The following BMPER variants were observed in gnomAD, a reference collection of about 807,000 sequenced individuals.
BMPER encodes the protein BMP binding endothelial regulator.
In BMPER, 45 loss-of-function variants were observed where a neutral mutation model predicts 87.3. The observed-to-expected ratio is 0.52, with a 90% CI of 0.41 to 0.66. BMPER has a LOEUF of 0.66. Among genes scored for constraint, BMPER ranks in the 30% least tolerant of loss-of-function variants. The probability of loss-of-function intolerance (pLI) is 0.00; values close to 1 mark genes in which losing one functional copy is unlikely to be tolerated. For synonymous variants in BMPER, 326 were observed against 316.2 expected, an observed-to-expected ratio of 1.03 and a Z score of -0.33; for missense variants, 784 against 867.5, an observed-to-expected ratio of 0.90 and a Z score of 1.21.
chr7:33,920,267 C>G (rs1285261166), intron 2 of BMPER, among the ~76,000 whole-genome samples: 1 of 152,038 alleles, frequency 6.6e-6, no homozygotes, highest in Non-Finnish European at 1.5e-5. Flanking sequence ...TCTGTTCTCC[C>G]ACCAGGGGCC....
intron 2 of BMPER, among the ~76,000 whole-genome samples, chr7:33,916,519 G>A (rs1784089918): frequency 6.6e-6 from 1 of 152,212 alleles, no homozygotes; most frequent in African/African-American, 2.4e-5. Context: ...CTGTGGGATT[G>A]GGCCTCCTTC....
intron 11 of BMPER, among the ~76,000 whole-genome samples, chr7:34,067,649 C>G (rs1052467018): frequency 1.3e-5 from 2 of 152,098 alleles, no homozygotes; most frequent in Admixed American, 6.6e-5. Context: ...AGGTGTTAAC[C>G]TAAGTGGCCA....
intron 13 of BMPER, among the ~76,000 whole-genome samples, chr7:34,113,708 A>G (rs1790042037): frequency 6.6e-6 from 1 of 152,112 alleles, no homozygotes; most frequent in South Asian, 2.1e-4. Flanking sequence ...TATCTATTTC[A>G]TGGGCTTCTA....
chr7:34,097,193 G>C (rs1275929097), intron 13 of BMPER, among the ~76,000 whole-genome samples: 1 of 152,208 alleles, frequency 6.6e-6, no homozygotes, highest in African/African-American at 2.4e-5. Flanking sequence ...AGAGGAGCAG[G>C]AGGCTGGGGA....
At chr7:33,978,237 C>T (rs1206181459) in intron 6 of BMPER, among the ~76,000 whole-genome samples, 1 of 152,212 alleles carries the variant, frequency 6.6e-6, no homozygotes, top group African/African-American at 2.4e-5. Flanking sequence ...GTTGCAGCAA[C>T]AAGGCGCCAT....
intron 3 of BMPER, among the ~76,000 whole-genome samples, chr7:33,959,896 G>GT (rs1413784285): frequency 4.6e-5 from 7 of 151,738 alleles, no homozygotes; most frequent in South Asian, 2.1e-4. Context: ...TCATGTGGAA[G>GT]CTTTTTTTTC....
Position 33,966,759 on chromosome 7 carries a change from T to A in BMPER, c.402+198T>A, listed in dbSNP as rs181719656. On this transcript the variant is annotated intron_variant, in intron 4 of 14. Coordinates refer to ENST00000649409, the MANE Select transcript of BMPER (RefSeq NM_001365308.1). Reference sequence around the variant, plus strand: ...GTGCAGCATAGATATTGTGTAGAACTTGCTTCCAGAAACACACAGTGGAAT... The same window carrying A: ...GTGCAGCATAGATATTGTGTAGAACATGCTTCCAGAAACACACAGTGGAAT... Among the ~76,000 whole-genome samples the A allele has an allele frequency of 1.6e-4, 25 of 152,320 alleles. No individual in the cohort carries two copies. In the East Asian group the frequency reaches 1.9e-3, roughly 12 times the overall value.
At chr7:34,083,364 C>T (rs1048620665) in intron 12 of BMPER, among the ~76,000 whole-genome samples, 1 of 152,128 alleles carries the variant, frequency 6.6e-6, no homozygotes, top group African/African-American at 2.4e-5. Context: ...TCAAATTATT[C>T]CCCAAAGAGA....
chr7:34,130,476 G>T (rs1790555734), intron 13 of BMPER, among the ~76,000 whole-genome samples: 2 of 152,166 alleles, frequency 1.3e-5, no homozygotes, highest in South Asian at 4.1e-4. Context: ...TCACTTTGAG[G>T]CCATTTAACC....
chr7:33,932,141 G>A lies in BMPER; in HGVS notation c.220-5148G>A, dbSNP rs114397417. Among the ~76,000 whole-genome samples the A allele has an allele frequency of 7.9e-3, 1,203 of 152,264 alleles. 19 individuals are homozygous for A. The highest frequency in any genetic ancestry group is 0.027 in the African/African-American group (1,110 of 41,546). Reference sequence around the variant, plus strand: ...TTCCCTCTCAGAGTCGCCAGGCTGGGGCATCTATCCCAGGAAATTGGCTAT... The same window carrying A: ...TTCCCTCTCAGAGTCGCCAGGCTGGAGCATCTATCCCAGGAAATTGGCTAT... On this transcript the variant is annotated intron_variant, in intron 2 of 14. Coordinates refer to ENST00000649409, the MANE Select transcript of BMPER (RefSeq NM_001365308.1).
chr7:34,086,150 T>G, intron 13 of BMPER, 58 bp downstream of exon 13: 2 of 1,557,370 alleles, frequency 1.3e-6, no homozygotes, highest in Non-Finnish European at 1.8e-6. Context: ...AGACTTGACC[T>G]TGGAACATGG....
chr7:33,923,779 A>G (rs970818527), intron 2 of BMPER, among the ~76,000 whole-genome samples: 1 of 152,208 alleles, frequency 6.6e-6, no homozygotes, highest in Non-Finnish European at 1.5e-5. Flanking sequence ...CATTTATGTG[A>G]TGGACTTATA....
chr7:34,143,208 A>C (rs753101762), intron 13 of BMPER, 22 bp from the exon 14 acceptor site: 4 of 1,613,488 alleles, frequency 2.5e-6, no homozygotes, highest in African/African-American at 1.3e-5. Flanking sequence ...AAATGTTTCT[A>C]TCTCTCTTTT....
chr7:33,994,738 C>T (rs150072628), intron 6 of BMPER, among the ~76,000 whole-genome samples: 1 of 152,254 alleles, frequency 6.6e-6, no homozygotes, highest in Non-Finnish European at 1.5e-5. Flanking sequence ...TTGTTGTGAA[C>T]AAAAGGCCAT....
chr7:34,095,800 T>A (rs774005991), intron 13 of BMPER, among the ~76,000 whole-genome samples: 135 of 152,188 alleles, frequency 8.9e-4, no homozygotes, highest in Non-Finnish European at 2.9e-4. Context: ...GTTTCTTTCC[T>A]CTCATTCACA....
intron 2 of BMPER, among the ~76,000 whole-genome samples, chr7:33,932,702 G>A (rs935133600): frequency 3.3e-5 from 5 of 151,862 alleles, no homozygotes; most frequent in African/African-American, 4.8e-5. Context: ...TAGCTGCTGC[G>A]TTTTCCTCTC....
intron 12 of BMPER, among the ~76,000 whole-genome samples, chr7:34,079,711 AG>A (rs1788963098): frequency 1.3e-5 from 2 of 152,204 alleles, no homozygotes; most frequent in Non-Finnish European, 2.9e-5. Flanking sequence ...AAATGTCCAC[AG>A]CAGAAGGGCT....
intron 3 of BMPER, among the ~76,000 whole-genome samples, chr7:33,938,998 C>G (rs968732748): frequency 6.6e-6 from 1 of 152,020 alleles, no homozygotes; most frequent in African/African-American, 2.4e-5. Flanking sequence ...GCACTCCAGC[C>G]TGGGTGACGG....
intron 3 of BMPER, among the ~76,000 whole-genome samples, chr7:33,938,820 G>T (rs1329492346): frequency 6.6e-6 from 1 of 152,152 alleles, no homozygotes; most frequent in Non-Finnish European, 1.5e-5. Flanking sequence ...TAGGTCAGGA[G>T]TTCAAGACCA....
Sources: gnomAD v4.1 joint callset for allele counts (sites outside exome capture counted in the v4.1 genomes callset) on GRCh38, gnomAD v4.1.1 for gene constraint, MANE v1.5 for transcripts, NCBI Gene and HGNC (gene_info 2026-07-23, HGNC 2026-07-21) for gene names.